DLGAP2: variants seen among roughly 807,000 people sequenced by gnomAD.
The protein encoded by DLGAP2 is disks large-associated protein 2.
A neutral mutation model predicts 100.3 loss-of-function variants in DLGAP2; 26 were observed. The observed-to-expected ratio is 0.26, with a 90% confidence interval of 0.19 to 0.36. The LOEUF is 0.36. Ranked by LOEUF, DLGAP2 falls within the 10% of genes least tolerant of loss-of-function variation. DLGAP2 has a pLI of 1.00. For synonymous variants in DLGAP2, 886 were observed against 630.1 expected (o/e 1.41, Z -6.08); for missense variants, 1,858 against 1,453.2 (o/e 1.28, Z -4.53).
At chr8:1,124,660 T>C (rs141557580) in intron 2 of DLGAP2, among the ~76,000 whole-genome samples, 1 of 152,268 alleles carries the variant, frequency 6.6e-6, no homozygotes, top group East Asian at 1.9e-4. Flanking sequence ...GCATTTTAGC[T>C]AATCTGTGTT....
At chr8:1,311,052 A>C (rs1376207074) in intron 3 of DLGAP2, among the ~76,000 whole-genome samples, 3 of 152,194 alleles carry the variant, frequency 2.0e-5, no homozygotes, top group African/African-American at 7.2e-5. Context: ...ACAAAGAAAA[A>C]AAAAAGAGAA....
At chr8:784,280 A>G (rs997370718) in intron 1 of DLGAP2, among the ~76,000 whole-genome samples, 2 of 152,254 alleles carry the variant, frequency 1.3e-5, no homozygotes, top group African/African-American at 2.4e-5. Context: ...CAGTTTTATC[A>G]TCTAGAATCT....
chr8:1,557,033 A>T (rs1270895178), intron 5 of DLGAP2, among the ~76,000 whole-genome samples: 1 of 152,018 alleles, frequency 6.6e-6, no homozygotes, highest in Non-Finnish European at 1.5e-5. Context: ...CAAGCTCAGC[A>T]CGGGGGTGGG....
chr8:1,320,945 CTG>C (rs1307611140), intron 3 of DLGAP2, among the ~76,000 whole-genome samples: 1 of 152,142 alleles, frequency 6.6e-6, no homozygotes, highest in African/African-American at 2.4e-5. Flanking sequence ...ATACATGTAT[CTG>C]TGTGTGTGCA....
At chr8:1,445,156 T>C (rs1162122774) in intron 3 of DLGAP2, among the ~76,000 whole-genome samples, 1 of 150,944 alleles carries the variant, frequency 6.6e-6, no homozygotes, top group East Asian at 2.0e-4. Context: ...GTTATACATG[T>C]ATACATGTGC....
Position 1,203,380 on chromosome 8 carries a change from G to C in DLGAP2, c.74-55471G>C, listed in dbSNP as rs527855302. Among the ~76,000 whole-genome samples the C allele has an allele frequency of 8.6e-5, 13 of 151,570 alleles. 3 individuals carry two copies. Among genetic ancestry groups the C allele is most frequent in the African/African-American group, 3.2e-4 (13 of 41,268 alleles). Reference sequence around the variant, plus strand: ...AATCCATGAGACTGGCGTGTCCTTCGGTGACGAGGCCGCCCACCCTTCGGT... The same window carrying C: ...AATCCATGAGACTGGCGTGTCCTTCCGTGACGAGGCCGCCCACCCTTCGGT... On this transcript the variant is annotated intron_variant, in intron 2 of 14. Coordinates refer to ENST00000637795, the MANE Select transcript of DLGAP2 (RefSeq NM_001346810.2).
At chr8:1,224,016 A>G (rs1157535558) in intron 2 of DLGAP2, among the ~76,000 whole-genome samples, 1 of 152,182 alleles carries the variant, frequency 6.6e-6, no homozygotes, top group Non-Finnish European at 1.5e-5. Context: ...ATGTGGATTA[A>G]TATGAAGGCA....
At chr8:1,298,448 G>T (rs1415000226) in intron 3 of DLGAP2, among the ~76,000 whole-genome samples, 1 of 152,170 alleles carries the variant, frequency 6.6e-6, no homozygotes, top group Non-Finnish European at 1.5e-5. Flanking sequence ...TCTGTACTGG[G>T]GTATAAATAC....
At chr8:1,227,169 T>TATATATATATATATATATATATATATAC (rs1798437705) in intron 2 of DLGAP2, among the ~76,000 whole-genome samples, 1 of 134,770 alleles carries the variant, frequency 7.4e-6, no homozygotes, top group African/African-American at 3.2e-5. Context: ...TATATATATA[T>TATATATATATATATATATATATATATAC]ATATAGTATA....
intron 6 of DLGAP2, among the ~76,000 whole-genome samples, chr8:1,614,948 G>T (rs992145669): frequency 9.2e-5 from 14 of 152,232 alleles, no homozygotes; most frequent in South Asian, 2.1e-4. Context: ...AAGGCGCCGC[G>T]CTCACTCGCG....
At chr8:985,471 G>A (rs572230025) in intron 2 of DLGAP2, among the ~76,000 whole-genome samples, 4 of 152,350 alleles carry the variant, frequency 2.6e-5, no homozygotes, top group South Asian at 2.1e-4. Context: ...CAGCACATCC[G>A]TAGTCTCAAA....
At chr8:1,511,593 C>T (rs1036229058) in intron 4 of DLGAP2, among the ~76,000 whole-genome samples, 3 of 151,442 alleles carry the variant, frequency 2.0e-5, no homozygotes, top group Admixed American at 6.6e-5. Flanking sequence ...AATAGATGAC[C>T]ATCTTCCATG....
At chr8:1,557,472 G>A (rs1022512431) in intron 5 of DLGAP2, among the ~76,000 whole-genome samples, 2 of 152,254 alleles carry the variant, frequency 1.3e-5, no homozygotes, top group Admixed American at 1.3e-4. Flanking sequence ...GGTGAGCAGC[G>A]GGGACAGGTC....
intron 3 of DLGAP2, 123 bp from the exon 4 acceptor site, chr8:1,501,243 G>T (rs1222157273): frequency 1.1e-5 from 11 of 1,044,858 alleles, no homozygotes; most frequent in Non-Finnish European, 1.5e-5. Flanking sequence ...GACGTTTGAA[G>T]AAATACAAAG....
chr8:1,079,784 C>G (rs1421027909), intron 2 of DLGAP2, among the ~76,000 whole-genome samples: 1 of 152,198 alleles, frequency 6.6e-6, no homozygotes, highest in East Asian at 1.9e-4. Context: ...AAGATGAGCC[C>G]AGAGCAATGG....
At chr8:910,319 G>A (rs915969051) in intron 2 of DLGAP2, 15 of 152,114 alleles carry the variant, frequency 9.9e-5, no homozygotes, top group African/African-American at 3.4e-4. Flanking sequence ...ATTAAACATG[G>A]CTGCTTGTGA....
intron 2 of DLGAP2, among the ~76,000 whole-genome samples, chr8:1,141,352 A>C (rs564771654): frequency 2.0e-5 from 3 of 152,244 alleles, no homozygotes; most frequent in African/African-American, 7.2e-5. Flanking sequence ...AAAGAAACCC[A>C]ATTGGACCTG....
chr8:1,023,743 C>G (rs1801695067), intron 2 of DLGAP2, among the ~76,000 whole-genome samples: 1 of 152,120 alleles, frequency 6.6e-6, no homozygotes, highest in Non-Finnish European at 1.5e-5. Context: ...CCTGTGAGGT[C>G]TTGCCCCACC....
chr8:1,492,530 G>A (rs939544119), intron 3 of DLGAP2, among the ~76,000 whole-genome samples: 19 of 152,214 alleles, frequency 1.2e-4, no homozygotes, highest in African/African-American at 4.3e-4. Context: ...GCTCCTGTGG[G>A]CGACACCCGA....
Sources: gnomAD v4.1 joint callset for allele counts (sites outside exome capture counted in the v4.1 genomes callset) on GRCh38, gnomAD v4.1.1 for gene constraint, MANE v1.5 for transcripts, NCBI Gene and HGNC (gene_info 2026-07-23, HGNC 2026-07-21) for gene names.